The following KAZN variants were observed in gnomAD, a reference collection of about 807,000 sequenced individuals.
KAZN encodes kazrin, periplakin interacting protein, also known as kazrin.
Under a neutral mutation model 87.4 loss-of-function variants are expected in KAZN, and 40 were observed. The ratio of observed to expected loss-of-function variants is 0.46; its 90% confidence interval spans 0.36 to 0.60. The LOEUF is 0.60. KAZN is among the 20% of genes least tolerant of loss of function. The pLI is 0.00. For synonymous variants in KAZN, 466 were observed against 458.3 expected, an observed-to-expected ratio of 1.02 and a Z score of -0.22; for missense variants, 898 against 1,073.9, an observed-to-expected ratio of 0.84 and a Z score of 2.29.
chr1:14,480,183 C>T (rs1424884400), intron 2 of KAZN, among the ~76,000 whole-genome samples: 1 of 152,232 alleles, frequency 6.6e-6, no homozygotes, highest in Non-Finnish European at 1.5e-5. Flanking sequence ...TCTGTGCCCG[C>T]AGGCAGGCAC....
At chr1:14,840,041 G>A (rs890601152) in intron 1 of KAZN, among the ~76,000 whole-genome samples, 3 of 107,346 alleles carry the variant, frequency 2.8e-5, no homozygotes, top group Admixed American at 1.0e-4. Context: ...CCCCCACCCC[G>A]CTATTTTTTC....
chr1:15,084,968 A>G (rs1169939347), intron 8 of KAZN, among the ~76,000 whole-genome samples: 1 of 152,262 alleles, frequency 6.6e-6, no homozygotes, highest in Non-Finnish European at 1.5e-5. Flanking sequence ...ATGAAATCAC[A>G]GACATGAGCA....
chr1:14,860,412 A>G (rs1003975989), intron 1 of KAZN, among the ~76,000 whole-genome samples: 2 of 152,080 alleles, frequency 1.3e-5, no homozygotes, highest in Non-Finnish European at 2.9e-5. Context: ...GGCTGGTCTC[A>G]AACTCCTGGC....
chr1:15,055,462 C>T (rs1674850619), intron 4 of KAZN, among the ~76,000 whole-genome samples: 1 of 152,144 alleles, frequency 6.6e-6, no homozygotes, highest in African/African-American at 2.4e-5. Context: ...CAGAGTGAAA[C>T]TCCATCTCCA....
chr1:14,551,976 T>C (rs1406091233), intron 2 of KAZN, among the ~76,000 whole-genome samples: 1 of 152,174 alleles, frequency 6.6e-6, no homozygotes, highest in Non-Finnish European at 1.5e-5. Flanking sequence ...CTTCTTTTTA[T>C]TTCTTTCTTT....
At chr1:14,283,473 A>G (rs1373564750) in intron 2 of KAZN, among the ~76,000 whole-genome samples, 1 of 152,248 alleles carries the variant, frequency 6.6e-6, no homozygotes, top group Non-Finnish European at 1.5e-5. Context: ...CAAAGAGCCA[A>G]TAAATGTATG....
intron 2 of KAZN, among the ~76,000 whole-genome samples, chr1:14,571,238 C>CT (rs542542332): frequency 1.1e-3 from 161 of 145,312 alleles, no homozygotes; most frequent in South Asian, 8.0e-3. Flanking sequence ...AATGCTTCTG[C>CT]TTTTTTTTTT....
intron 2 of KAZN, among the ~76,000 whole-genome samples, chr1:14,405,254 TGTATTGG>T (rs1663737131): frequency 6.6e-6 from 1 of 152,178 alleles, no homozygotes; most frequent in African/African-American, 2.4e-5. Context: ...CAAGATACTT[TGTATTGG>T]GTATGAGCCT....
At chr1:14,239,609 T>A (rs1648755393) in intron 2 of KAZN, among the ~76,000 whole-genome samples, 1 of 151,724 alleles carries the variant, frequency 6.6e-6, no homozygotes, top group African/African-American at 2.4e-5. Flanking sequence ...TACAGGCATG[T>A]GCCACCATGC....
intron 1 of KAZN, among the ~76,000 whole-genome samples, chr1:14,896,227 G>T (rs766288726): frequency 1.2e-4 from 18 of 152,004 alleles, no homozygotes; most frequent in Admixed American, 1.3e-4. Context: ...ACTAATTTCT[G>T]TATTTTTAGT....
chr1:14,126,357 C>G (rs114912794), intron 1 of KAZN, among the ~76,000 whole-genome samples: 8 of 34,210 alleles, frequency 2.3e-4, no homozygotes, highest in East Asian at 2.8e-3. Flanking sequence ...CTCCCCTCCC[C>G]CCCCCCGTCA....
At chr1:13,982,834 T>TA (rs1380156546) in intron 1 of KAZN, among the ~76,000 whole-genome samples, 1 of 150,376 alleles carries the variant, frequency 6.6e-6, no homozygotes, top group Non-Finnish European at 1.5e-5. Flanking sequence ...TGGTGCTGAT[T>TA]ATAAACCTTG....
chr1:14,652,375 C>G (rs2148696732), intron 1 of KAZN, among the ~76,000 whole-genome samples: 1 of 151,430 alleles, frequency 6.6e-6, no homozygotes, highest in African/African-American at 2.4e-5. Context: ...GGAATTTTTT[C>G]TACCTTCTTC....
chr1:14,127,118 A>G (rs1275178396), intron 1 of KAZN, among the ~76,000 whole-genome samples: 1 of 152,116 alleles, frequency 6.6e-6, no homozygotes, highest in African/African-American at 2.4e-5. Context: ...ACAAAACAAA[A>G]CAAAAGTTTC....
intron 1 of KAZN, among the ~76,000 whole-genome samples, chr1:13,990,554 C>T (rs1013654714): frequency 2.0e-4 from 30 of 152,138 alleles, no homozygotes; most frequent in Non-Finnish European, 4.1e-4. Flanking sequence ...AGAGGGGACA[C>T]GCGGGAGCTT....
rs368846918 is a variant in KAZN, at chr1:14,599,102, G to A, written c.105G>A (p.Arg35=). 1.3e-5 allele frequency: 21 copies of A among 1,558,152 alleles called. No individual in the cohort carries two copies. Among genetic ancestry groups the A allele is most frequent in the Non-Finnish European group, 1.8e-5 (21 of 1,156,898 alleles). ...GAGCCGAACTCACGGCCACCAACCG[G>A]AGACTGGCGGAACTGAGCGGCGGCG... ...NLRAELTATN[R]RLAELSGGGG... is the part of the protein sequence containing the mutation. The change falls in exon 1 of 15, where the codon CGG becomes CGA. Residue 35 remains arginine, a synonymous_variant. Coordinates refer to ENST00000376030, the MANE Select transcript of KAZN (RefSeq NM_201628.3). This position sits in a 1 kb window ranked among gnomAD's most constrained non-coding sequence, Gnocchi z 4.4.
At chr1:14,921,751 G>A (rs929846671) in intron 1 of KAZN, among the ~76,000 whole-genome samples, 26 of 152,308 alleles carry the variant, frequency 1.7e-4, no homozygotes, top group African/African-American at 5.3e-4. Flanking sequence ...TCACTCTGTC[G>A]CCTAGCCTGG....
At chr1:14,107,285 T>G (rs1163929489) in intron 1 of KAZN, among the ~76,000 whole-genome samples, 1 of 151,842 alleles carries the variant, frequency 6.6e-6, no homozygotes, top group Non-Finnish European at 1.5e-5. Flanking sequence ...CAGTATGGCA[T>G]GAGAGCAGTT....
At chr1:14,712,370 A>G (rs1249487363) in intron 1 of KAZN, among the ~76,000 whole-genome samples, 1 of 152,164 alleles carries the variant, frequency 6.6e-6, no homozygotes, top group African/African-American at 2.4e-5. Flanking sequence ...TCAGGTTCCA[A>G]CAGTCCTTGT....
Sources: allele counts gnomAD v4.1 joint callset (sites outside exome capture counted in the v4.1 genomes callset), GRCh38; gene constraint gnomAD v4.1.1; non-coding constraint Gnocchi (gnomAD v3.1); transcripts MANE v1.5; gene names NCBI Gene and HGNC (gene_info 2026-07-23, HGNC 2026-07-21).